Variants in ACAT2 observed in about 807,000 individuals in gnomAD.
ACAT2 encodes acetyl-CoA acetyltransferase 2, also known as acetyl-CoA acetyltransferase, cytosolic.
Under a neutral mutation model 37.1 loss-of-function variants are expected in ACAT2, and 26 were observed. The ratio of observed to expected loss-of-function variants is 0.70; its 90% confidence interval spans 0.51 to 0.97. The LOEUF (loss-of-function observed/expected upper bound fraction) is 0.97. Among genes scored for constraint, ACAT2 ranks in the 50% least tolerant of loss-of-function variants. ACAT2 has a pLI of 0.00. For synonymous variants in ACAT2, 156 were observed against 163.6 expected (o/e 0.95, Z 0.35); for missense variants, 468 against 489.0 (o/e 0.96, Z 0.40).
At chr6:159,775,374 G>GAGT in intron 5 of ACAT2, 61 bp downstream of exon 5, 1 of 1,548,994 alleles carries the variant, frequency 6.5e-7, no homozygotes, top group Non-Finnish European at 8.8e-7. Context: ...ACATCTAAAA[G>GAGT]AGTAATACAT....
chr6:159,762,906 C>G lies in ACAT2; in HGVS notation c.56-13C>G. 1 of 1,608,886 alleles carries G rather than the reference C, an allele frequency of 6.2e-7. No individual in the cohort carries two copies. ...GGCTTGTGATGTCCACGCTCTCCGC[C>G]TTTCTATTGTAGGTTCCTTCAATGG... On this transcript the variant is annotated splice_polypyrimidine_tract_variant and intron_variant, in intron 1 of 8. Coordinates refer to ENST00000367048, the MANE Select transcript of ACAT2 (RefSeq NM_005891.3).
At chr6:159,762,338 T>G (rs1279714892) in intron 1 of ACAT2, 196 bp downstream of exon 1, 1 of 1,239,124 alleles carries the variant, frequency 8.1e-7, no homozygotes, top group Non-Finnish European at 1.1e-6. Flanking sequence ...CCCTCTCCTC[T>G]CCCGATGTGC....
intron 2 of ACAT2, among the ~76,000 whole-genome samples, chr6:159,766,692 C>G (rs955240889): frequency 6.6e-6 from 1 of 152,214 alleles, no homozygotes; most frequent in African/African-American, 2.4e-5. Context: ...TGAGCCACCG[C>G]GCCCAACTAT....
chr6:159,762,865 T>A, intron 1 of ACAT2, 54 bp from the exon 2 acceptor site: 3 of 1,598,504 alleles, frequency 1.9e-6, no homozygotes, highest in Non-Finnish European at 2.6e-6. Context: ...CGTAGGTGGT[T>A]CCCGTATTAC....
chr6:159,764,325 TCATGCCCCTTGCAAATGGGGCATATC>T (rs1780219274), intron 2 of ACAT2, among the ~76,000 whole-genome samples: 1 of 152,146 alleles, frequency 6.6e-6, no homozygotes, highest in Non-Finnish European at 1.5e-5. Context: ...AGGTGCCACA[TCATGCCCCTTGCAAATGGGGCATATC>T]ACTCCCCAGA....
Position 159,772,279 on chromosome 6 carries a change from T to TC in ACAT2, c.491-2890dup, listed in dbSNP as rs540690887. 2.1e-4 allele frequency among the ~76,000 whole-genome samples: 32 copies of TC among 152,254 alleles called. No individual in the cohort carries two copies. In the South Asian group the frequency reaches 5.6e-3, roughly 27 times the overall value. On this transcript the variant is annotated intron_variant, in intron 4 of 8. Transcript: ENST00000367048. ...AAATACTGTATAAAATGCAAAGCAC[T>TC]CAGAATAGCCAAAACAATTTTGAAG...
chr6:159,768,434 A>G (rs1780287702), intron 3 of ACAT2, 77 bp from the exon 4 acceptor site: 1 of 1,056,484 alleles, frequency 9.5e-7, no homozygotes, highest in Admixed American at 1.7e-5. Flanking sequence ...AGGAAATACT[A>G]GATAGTTTTG....
Position 159,767,113 on chromosome 6 carries a change from G to A in ACAT2, c.299G>A (p.Cys100Tyr). The A allele has an allele frequency of 2.5e-6, 4 of 1,614,228 alleles. No individual in the cohort carries two copies. In the East Asian group the frequency reaches 8.9e-5, roughly 36 times the overall value. The change falls in exon 3 of 9, where the codon TGC becomes TAC. Residue 100 changes from cysteine to tyrosine, a missense_variant. Transcript: ENST00000367048. ...TGTGGGTCAGGCCTAAAAGCTGTGTGCCTTGCAGTCCAGTCAATAGGGATA... is the reference window on the plus strand; with the variant it reads ...TGTGGGTCAGGCCTAAAAGCTGTGTACCTTGCAGTCCAGTCAATAGGGATA... ...MICGSGLKAV[C>Y]LAVQSIGIGD...
intron 6 of ACAT2, among the ~76,000 whole-genome samples, 166 bp from the exon 7 acceptor site, chr6:159,777,136 A>G (rs914490566): frequency 2.6e-5 from 4 of 152,224 alleles, no homozygotes; most frequent in African/African-American, 7.2e-5. Flanking sequence ...TTTTGTGGTC[A>G]ATATATTGCC....
In ACAT2 at chr6:159,776,244, G is replaced by T; in HGVS notation, c.729G>T (p.Thr243=). ...AGCCTTACTTTCTTACTGATGGAACGGGAACAGTCACCCCAGCCAATGCTT... is the reference window on the plus strand; with the variant it reads ...AGCCTTACTTTCTTACTGATGGAACTGGAACAGTCACCCCAGCCAATGCTT... ...KLKPYFLTDG[T]GTVTPANASG... is the part of the protein sequence containing the mutation. Residue 243 remains threonine, a synonymous_variant, in exon 6 of 9, where the codon ACG becomes ACT. Transcript: ENST00000367048. 6.2e-7 allele frequency: 1 copy of T among 1,614,104 alleles called. No individual in the cohort carries two copies. Among genetic ancestry groups the T allele is most frequent in the South Asian group, 1.1e-5 (1 of 91,076 alleles).
In ACAT2 at chr6:159,767,175, A is replaced by C; in HGVS notation, c.361A>C (p.Asn121His). 1 of 1,614,224 alleles carries C rather than the reference A, an allele frequency of 6.2e-7. No individual in the cohort carries two copies. Among genetic ancestry groups the C allele is most frequent in the Non-Finnish European group, 8.5e-7 (1 of 1,180,036 alleles). ...SSIVVAGGME[N>H]MSKAPHLAYL... ...CATTGTGGTTGCAGGAGGCATGGAA[A>C]ATATGAGCAAGGTAAGGCCTCTCTG... The change falls in exon 3 of 9, where the codon AAT becomes CAT. Residue 121 changes from asparagine (N) to histidine (H), a missense_variant. By Grantham distance (68) the Asn-to-His change is moderately conservative (BLOSUM62 1). Transcript: ENST00000367048.
Position 159,776,192 on chromosome 6 carries a change from G to C in ACAT2, c.677G>C (p.Ser226Thr). 1.9e-6 allele frequency: 3 copies of C among 1,614,030 alleles called. No homozygotes were observed. Among genetic ancestry groups the C allele is most frequent in the Non-Finnish European group, 2.5e-6 (3 of 1,179,938 alleles). ...ACAGATGAGTTTCCTCGCCATGGGA[G>C]CAACATAGAAGCCATGTCCAAGCTA... The part of the protein sequence containing the change: ...VKTDEFPRHG[S>T]NIEAMSKLKP... Residue 226 changes from serine to threonine, a missense_variant, in exon 6 of 9, where the codon AGC (serine) becomes ACC (threonine). Physicochemically the swap from Ser to Thr is moderately conservative, Grantham distance 58 (BLOSUM62 1). Coordinates refer to ENST00000367048, the MANE Select transcript of ACAT2 (RefSeq NM_005891.3).
At chr6:159,775,950 A>G in intron 5 of ACAT2, 200 bp from the exon 6 acceptor site, 2 of 523,828 alleles carry the variant, frequency 3.8e-6, no homozygotes, top group South Asian at 2.3e-5. Context: ...CAGGTGTCTC[A>G]TAAGGACATA....
intron 3 of ACAT2, among the ~76,000 whole-genome samples, chr6:159,768,111 T>G (rs921153174): frequency 6.6e-6 from 1 of 152,246 alleles, no homozygotes; most frequent in Non-Finnish European, 1.5e-5. Context: ...GTTAGCCTGA[T>G]TATTCTCACT....
At chr6:159,762,196 G>T in intron 1 of ACAT2, 54 bp downstream of exon 1, 1 of 1,572,492 alleles carries the variant, frequency 6.4e-7, no homozygotes, top group African/African-American at 1.4e-5. Flanking sequence ...GCTTCGGCAG[G>T]AGCGCCGAGG....
At chr6:159,778,338 A>C in intron 8 of ACAT2, 58 bp downstream of exon 8, 1 of 1,264,386 alleles carries the variant, frequency 7.9e-7, no homozygotes, top group Non-Finnish European at 1.1e-6. Flanking sequence ...TCCAATTTTA[A>C]GATAGTATCT....
intron 1 of ACAT2, chr6:159,762,635 A>G: frequency 2.1e-6 from 3 of 1,427,388 alleles, no homozygotes; most frequent in Non-Finnish European, 2.8e-6. Context: ...TTGTTTGGGA[A>G]GCATGGGGTC....
At chr6:159,763,092 G>T in intron 2 of ACAT2, 39 bp downstream of exon 2, 1 of 1,588,962 alleles carries the variant, frequency 6.3e-7, no homozygotes, top group Non-Finnish European at 8.6e-7. Flanking sequence ...AGGCTTATTA[G>T]AAACAGCCCA....
At chr6:159,767,655 C>T (rs1194144385) in intron 3 of ACAT2, among the ~76,000 whole-genome samples, 1 of 152,134 alleles carries the variant, frequency 6.6e-6, no homozygotes, top group Non-Finnish European at 1.5e-5. Flanking sequence ...GTTTGCCAGG[C>T]ATGATTTGTT....
Sources: gnomAD v4.1 joint callset for allele counts (sites outside exome capture counted in the v4.1 genomes callset) on GRCh38, gnomAD v4.1.1 for gene constraint, MANE v1.5 for transcripts, NCBI Gene and HGNC (gene_info 2026-07-23, HGNC 2026-07-21) for gene names.